The following PHF24 variants were observed in gnomAD, a reference collection of about 807,000 sequenced individuals.
The protein encoded by PHF24 is PHD finger protein 24, also known as Galpha inhibitory interacting protein.
Under a neutral mutation model 42.6 loss-of-function variants are expected in PHF24, and 25 were observed. That is an observed-to-expected ratio of 0.59 (90% CI 0.43 to 0.82). The LOEUF (loss-of-function observed/expected upper bound fraction) is 0.82. Among genes scored for constraint, PHF24 ranks in the 40% least tolerant of loss-of-function variants. The pLI, the probability that PHF24 is intolerant of heterozygous loss-of-function variation, is 0.00. For missense variants in PHF24, 470 were observed against 538.1 expected (o/e 0.87, Z 1.25); for synonymous variants, 185 against 204.8 (o/e 0.90, Z 0.83).
the PHF24 span, chr9:34,723,065 A>G: frequency 1.3e-6 from 1 of 780,718 alleles, no homozygotes; most frequent in East Asian, 2.7e-5. Flanking sequence ...GCTGAGAAAT[A>G]TAGAGTGTAT....
the PHF24 span, among the ~76,000 whole-genome samples, chr9:34,694,671 G>C: frequency 6.6e-6 from 1 of 152,068 alleles, no homozygotes; most frequent in Admixed American, 6.6e-5. Context: ...ATTTCACCAT[G>C]TTGGCCAGTC....
At chr9:34,982,338 T>C (rs1172914304) in exon 8 of PHF24, 2 of 152,198 alleles carry the variant, frequency 1.3e-5, no homozygotes, top group African/African-American at 4.8e-5. Context: ...GGGAATCCAA[T>C]GCGCTCTGGT....
At chr9:34,852,488 T>C in the PHF24 span, among the ~76,000 whole-genome samples, 4 of 152,212 alleles carry the variant, frequency 2.6e-5, no homozygotes, top group African/African-American at 4.8e-5. Context: ...TGAGCTTTTG[T>C]TTGTCTGGGA....
the PHF24 span, among the ~76,000 whole-genome samples, chr9:34,937,512 G>A: frequency 3.3e-5 from 5 of 152,092 alleles, no homozygotes; most frequent in Non-Finnish European, 7.4e-5. Flanking sequence ...CAAACACTGC[G>A]GAAGGCCGCA....
chr9:34,945,782 A>G, the PHF24 span, among the ~76,000 whole-genome samples: 5 of 152,220 alleles, frequency 3.3e-5, no homozygotes, highest in South Asian at 1.0e-3. Context: ...CAACCTTCAG[A>G]ATCATGAGCT....
chr9:34,903,770 G>T, the PHF24 span, among the ~76,000 whole-genome samples: 1 of 152,118 alleles, frequency 6.6e-6, no homozygotes, highest in South Asian at 2.1e-4. Flanking sequence ...CCTTTTGGCA[G>T]TATGGCCATT....
chr9:34,747,825 G>C, the PHF24 span, among the ~76,000 whole-genome samples: 1 of 152,076 alleles, frequency 6.6e-6, no homozygotes, highest in Non-Finnish European at 1.5e-5. Flanking sequence ...ACACACACGT[G>C]TTCACCAAAA....
At chr9:34,977,745 C>T in intron 7 of PHF24, 104 bp downstream of exon 7, 1 of 1,031,840 alleles carries the variant, frequency 9.7e-7, no homozygotes, top group Non-Finnish European at 1.5e-6. Context: ...CAGCAAGCGC[C>T]CACCCAAGAA....
chr9:34,846,465 ATTTG>A, the PHF24 span, among the ~76,000 whole-genome samples: 1 of 151,568 alleles, frequency 6.6e-6, no homozygotes, highest in Non-Finnish European at 1.5e-5. Context: ...TTTCTTGTAA[ATTTG>A]TTTGAGTTCA....
At chr9:34,711,488 C>T in the PHF24 span, among the ~76,000 whole-genome samples, 2 of 151,560 alleles carry the variant, frequency 1.3e-5, no homozygotes, top group African/African-American at 4.9e-5. Context: ...CCGCCTTGGC[C>T]TCCCAAAGTA....
Position 34,976,204 on chromosome 9 carries a change from C to A in PHF24, c.617C>A (p.Thr206Asn), listed in dbSNP as rs756021303. ...GAGGAAATGTATAGCCTCACGGAGA[C>A]CTTTCAGCGGTGTAAAGTCATCCCT... Residue 206 changes from threonine to asparagine, a missense_variant, in exon 4 of 8, where the codon ACC becomes AAC. Transcript: ENST00000242315. The A allele has an allele frequency of 4.3e-6, 7 of 1,614,096 alleles. No homozygotes were observed. The highest frequency in any genetic ancestry group is 3.3e-5 in the South Asian group (3 of 91,082).
chr9:34,819,011 T>C, the PHF24 span, among the ~76,000 whole-genome samples: 1 of 152,196 alleles, frequency 6.6e-6, no homozygotes, highest in Non-Finnish European at 1.5e-5. Flanking sequence ...GTTATCTGTT[T>C]CTTCTGGAGT....
chr9:34,778,585 G>A, the PHF24 span, among the ~76,000 whole-genome samples: 4 of 152,232 alleles, frequency 2.6e-5, no homozygotes, highest in South Asian at 8.3e-4. Context: ...ACATATAAAT[G>A]TATGCGTATT....
chr9:34,931,799 T>C, the PHF24 span, among the ~76,000 whole-genome samples: 1 of 152,100 alleles, frequency 6.6e-6, no homozygotes, highest in African/African-American at 2.4e-5. Flanking sequence ...CTCAGGTATT[T>C]CTTTATGGCA....
the PHF24 span, among the ~76,000 whole-genome samples, chr9:34,798,165 T>C: frequency 6.6e-6 from 1 of 151,732 alleles, no homozygotes; most frequent in Non-Finnish European, 1.5e-5. Flanking sequence ...TTCTCAGAAC[T>C]GTACACATGA....
the PHF24 span, among the ~76,000 whole-genome samples, chr9:34,759,662 C>T: frequency 6.6e-6 from 1 of 152,178 alleles, no homozygotes; most frequent in Non-Finnish European, 1.5e-5. Flanking sequence ...AGTTCTATCA[C>T]CCGTTAGCCT....
At chr9:34,899,303 C>T in the PHF24 span, among the ~76,000 whole-genome samples, 2 of 152,070 alleles carry the variant, frequency 1.3e-5, no homozygotes, top group African/African-American at 2.4e-5. Flanking sequence ...TAAGCCAGAC[C>T]CTGCTTTCAT....
chr9:34,772,254 AT>A, the PHF24 span, among the ~76,000 whole-genome samples: 1 of 152,214 alleles, frequency 6.6e-6, no homozygotes, highest in Admixed American at 6.5e-5. Flanking sequence ...CTGGAGGGAA[AT>A]TTCCTTAGAG....
chr9:34,814,772 C>T, the PHF24 span, among the ~76,000 whole-genome samples: 2 of 152,224 alleles, frequency 1.3e-5, no homozygotes. Context: ...CGGAGTCCCA[C>T]TCTTGTCACC....
Sources: allele counts gnomAD v4.1 joint callset (sites outside exome capture counted in the v4.1 genomes callset), GRCh38; gene constraint gnomAD v4.1.1; transcripts MANE v1.5; gene names NCBI Gene and HGNC (gene_info 2026-07-23, HGNC 2026-07-21).